Variants in PABPC4L observed in about 807,000 individuals in gnomAD.
The protein encoded by PABPC4L is poly(A) binding protein cytoplasmic 4 like, also known as polyadenylate-binding protein 4-like.
For missense variants in PABPC4L, 452 were observed against 451.4 expected, an observed-to-expected ratio of 1.00 and a Z score of -0.01; for synonymous variants, 169 against 164.1, an observed-to-expected ratio of 1.03 and a Z score of -0.23.
chr4:134,034,253 G>T, the PABPC4L span, among the ~76,000 whole-genome samples: 9 of 151,864 alleles, frequency 5.9e-5, no homozygotes, highest in Admixed American at 1.3e-4. Flanking sequence ...GCCCACTTTT[G>T]AAACTACTTC....
At chr4:134,195,694 A>T (rs139094684), downstream of PABPC4L, among the ~76,000 whole-genome samples, 374 of 151,824 alleles carry the variant, frequency 2.5e-3, 2 homozygotes, top group African/African-American at 8.4e-3. Context: ...TTTGGATTCA[A>T]TTGTTTCATT....
the PABPC4L span, among the ~76,000 whole-genome samples, chr4:133,990,276 G>A: frequency 6.6e-6 from 1 of 152,068 alleles, no homozygotes; most frequent in African/African-American, 2.4e-5. Context: ...TCACATTTTT[G>A]TAATTTTCAT....
At chr4:134,171,009 T>A in the PABPC4L span, among the ~76,000 whole-genome samples, 2 of 152,218 alleles carry the variant, frequency 1.3e-5, no homozygotes, top group African/African-American at 4.8e-5. Flanking sequence ...ATTTTTTGAC[T>A]TCTTAATAAT....
the PABPC4L span, among the ~76,000 whole-genome samples, chr4:134,083,170 G>A: frequency 7.9e-5 from 12 of 152,248 alleles, no homozygotes; most frequent in Admixed American, 6.5e-4. Context: ...TAACATGCCT[G>A]CCTTTCTGTA....
At chr4:134,112,459 T>C in the PABPC4L span, among the ~76,000 whole-genome samples, 1 of 151,948 alleles carries the variant, frequency 6.6e-6, no homozygotes, top group Non-Finnish European at 1.5e-5. Flanking sequence ...CAACAATCTA[T>C]TGACCAATTT....
At chr4:134,174,089 A>AT in the PABPC4L span, among the ~76,000 whole-genome samples, 14 of 151,134 alleles carry the variant, frequency 9.3e-5, no homozygotes, top group East Asian at 5.8e-4. Context: ...TTACTATTTA[A>AT]TTTTTTTTTG....
chr4:133,985,728 G>A, the PABPC4L span, among the ~76,000 whole-genome samples: 1 of 151,884 alleles, frequency 6.6e-6, no homozygotes, highest in Non-Finnish European at 1.5e-5. Context: ...GTTTGTTTTT[G>A]TTTTGTCATC....
At chr4:134,093,411 A>G in the PABPC4L span, among the ~76,000 whole-genome samples, 24 of 151,544 alleles carry the variant, frequency 1.6e-4, no homozygotes, top group Admixed American at 1.6e-3. Context: ...TTTCCTTTTC[A>G]TCCAAGAGTT....
chr4:134,084,989 A>G, the PABPC4L span, among the ~76,000 whole-genome samples: 1 of 152,114 alleles, frequency 6.6e-6, no homozygotes, highest in Non-Finnish European at 1.5e-5. Flanking sequence ...TCTACCTCAT[A>G]GATTGAATAC....
chr4:134,130,963 C>A, the PABPC4L span, among the ~76,000 whole-genome samples: 734 of 152,066 alleles, frequency 4.8e-3, 2 homozygotes, highest in Non-Finnish European at 7.3e-3. Context: ...TCAATAGATA[C>A]AGAAAAAGAA....
chr4:134,116,965 A>G, the PABPC4L span, among the ~76,000 whole-genome samples: 1 of 151,636 alleles, frequency 6.6e-6, no homozygotes, highest in East Asian at 1.9e-4. Flanking sequence ...ATTATATTCT[A>G]TGATATTTAG....
chr4:134,025,910 T>C, the PABPC4L span, among the ~76,000 whole-genome samples: 6 of 152,180 alleles, frequency 3.9e-5, no homozygotes, highest in Admixed American at 3.9e-4. Context: ...AGGTAGGGCA[T>C]GGTATTTCAG....
chr4:134,110,587 G>A, the PABPC4L span, among the ~76,000 whole-genome samples: 1 of 143,238 alleles, frequency 7.0e-6, no homozygotes, highest in Non-Finnish European at 1.5e-5. Flanking sequence ...GTGTGTGTGT[G>A]TGTGTGTGTG....
chr4:134,160,122 A>G, the PABPC4L span, among the ~76,000 whole-genome samples: 1 of 152,014 alleles, frequency 6.6e-6, no homozygotes, highest in African/African-American at 2.4e-5. Flanking sequence ...GCAGCTAGGC[A>G]TTAGTGGCCA....
chr4:134,099,493 C>A, the PABPC4L span, among the ~76,000 whole-genome samples: 1 of 151,710 alleles, frequency 6.6e-6, no homozygotes, highest in Non-Finnish European at 1.5e-5. Flanking sequence ...GGCCTCCGTA[C>A]AATCTTGCTA....
chr4:134,121,148 C>G, the PABPC4L span, among the ~76,000 whole-genome samples: 5 of 151,280 alleles, frequency 3.3e-5, no homozygotes, highest in Middle Eastern at 3.4e-3. Context: ...TTTTAGAATT[C>G]TCAATTCTTT....
chr4:134,079,644 C>T, the PABPC4L span, among the ~76,000 whole-genome samples: 1 of 118,866 alleles, frequency 8.4e-6, no homozygotes, highest in African/African-American at 3.0e-5. Flanking sequence ...AGTAAGAATA[C>T]AAGGATGTGT....
the PABPC4L span, among the ~76,000 whole-genome samples, chr4:134,046,449 T>C: frequency 2.6e-5 from 4 of 152,128 alleles, no homozygotes; most frequent in African/African-American, 9.7e-5. Context: ...ATGTACCATC[T>C]GGTTTTACAC....
At chr4:134,201,618 G>C (rs1729892457) in intron 1 of PABPC4L, 100 bp downstream of exon 1, 1 of 156,478 alleles carries the variant, frequency 6.4e-6, no homozygotes, top group African/African-American at 2.4e-5. Context: ...CGACCCGCGC[G>C]GCGCCCGGAG....
Sources: allele counts gnomAD v4.1 joint callset (sites outside exome capture counted in the v4.1 genomes callset), GRCh38; gene constraint gnomAD v4.1.1; transcripts MANE v1.5; gene names NCBI Gene and HGNC (gene_info 2026-07-23, HGNC 2026-07-21).